LRP1B: variants seen among roughly 807,000 people sequenced by gnomAD.
LRP1B encodes the protein LDL receptor related protein 1B.
Under a neutral mutation model 556.6 loss-of-function variants are expected in LRP1B, and 217 were observed. The observed-to-expected ratio is 0.39, with a 90% CI of 0.35 to 0.44. The LOEUF (loss-of-function observed/expected upper bound fraction) is 0.44, where lower values mean the gene tolerates loss of function less well. LRP1B is among the 20% of genes least tolerant of loss of function. The pLI is 1.00. For missense variants in LRP1B, 5,053 were observed against 5,620.8 expected (o/e 0.90, Z 3.23); for synonymous variants, 2,047 against 1,865.8 (o/e 1.10, Z -2.50).
rs576794082 is a variant in LRP1B, at chr2:140,631,624, AG to A, written c.6800-29986del. Among the ~76,000 whole-genome samples, 48 of 152,352 alleles carry A rather than the reference AG, an allele frequency of 3.2e-4. 1 individual carries two copies. The highest frequency in any genetic ancestry group is 9.9e-4 in the African/African-American group (41 of 41,580). ...CTCGAGCTAAAATGCAATCATCAAAAGGACAATAAAAAACGAACAGAACATT... is the reference window on the plus strand; with the variant it reads ...CTCGAGCTAAAATGCAATCATCAAAAGACAATAAAAAACGAACAGAACATT... On this transcript the variant is annotated intron_variant, in intron 41 of 90. Coordinates refer to ENST00000389484, the MANE Select transcript of LRP1B (RefSeq NM_018557.3).
intron 31 of LRP1B, among the ~76,000 whole-genome samples, chr2:140,819,264 A>G (rs1250977997): frequency 6.6e-6 from 1 of 152,218 alleles, no homozygotes; most frequent in Non-Finnish European, 1.5e-5. Context: ...CTCTCTGGTA[A>G]TCTCACAACT....
chr2:141,062,168 A>G lies in LRP1B; in HGVS notation c.1119T>C (p.Ala373=), dbSNP rs2105468502. The part of the protein sequence containing the change: ...RIIDSKTEQP[A]ALALDLVNKL... ...TGTTGACTAGGTCTAGTGCCAGTGCAGCTGGCTGCTCTGTCTTTGAATCAA... is the reference window on the plus strand; with the variant it reads ...TGTTGACTAGGTCTAGTGCCAGTGCGGCTGGCTGCTCTGTCTTTGAATCAA... Residue 373 remains alanine, a synonymous_variant, in exon 8 of 91, where the codon GCT becomes GCC. Coordinates refer to ENST00000389484, the MANE Select transcript of LRP1B (RefSeq NM_018557.3). 6.2e-7 allele frequency: 1 copy of G among 1,612,018 alleles called. No individual in the cohort carries two copies. The highest frequency in any genetic ancestry group is 1.1e-5 in the South Asian group (1 of 91,052).
In LRP1B at chr2:140,315,197, G is replaced by A. The variant is rs912771203; in HGVS notation, c.12641-98C>T. 12 of 783,138 alleles carry A rather than the reference G, an allele frequency of 1.5e-5. No individual in the cohort carries two copies. In the African/African-American group the frequency reaches 1.8e-4, roughly 12 times the overall value. 48.5% of individuals were successfully genotyped at this position (783,138 alleles called of 1,614,324 possible). A position where few individuals can be genotyped will look rare whatever the true frequency, so the allele number is the denominator to read the frequency against. ...CAATATTTAAATACTAGGATCTTGTGTTTCCATAAAATAATTAACCCCAAG... is the reference window on the plus strand; with the variant it reads ...CAATATTTAAATACTAGGATCTTGTATTTCCATAAAATAATTAACCCCAAG... On this transcript the variant is annotated intron_variant, in intron 82 of 90. Transcript: ENST00000389484.
intron 43 of LRP1B, among the ~76,000 whole-genome samples, chr2:140,585,432 T>C (rs1681946383): frequency 6.6e-6 from 1 of 152,140 alleles, no homozygotes; most frequent in Admixed American, 6.5e-5. Flanking sequence ...AGCAGTATGT[T>C]CTATTTTACT....
intron 1 of LRP1B, among the ~76,000 whole-genome samples, chr2:142,057,146 T>C (rs1179397169): frequency 6.6e-6 from 1 of 152,168 alleles, no homozygotes. Flanking sequence ...CGCTTCATTT[T>C]GGCGTTTAAC....
intron 49 of LRP1B, 62 bp from the exon 50 acceptor site, chr2:140,517,073 A>C (rs1264670317): frequency 1.7e-6 from 2 of 1,165,310 alleles, no homozygotes; most frequent in African/African-American, 3.0e-5. Context: ...TAGGTAGATA[A>C]ATCATTAATA....
At chr2:141,666,097 C>T (rs1574215847) in intron 2 of LRP1B, among the ~76,000 whole-genome samples, 1 of 152,234 alleles carries the variant, frequency 6.6e-6, no homozygotes, top group East Asian at 1.9e-4. Context: ...CAAACCTGCA[C>T]ATTCTGCACA....
At chr2:141,211,044 T>C (rs887728236) in intron 6 of LRP1B, among the ~76,000 whole-genome samples, 9 of 152,054 alleles carry the variant, frequency 5.9e-5, no homozygotes, top group Non-Finnish European at 8.8e-5. Context: ...CTGGAGTACA[T>C]TGGCATGATC....
chr2:142,096,488 A>G (rs140645833), intron 1 of LRP1B, among the ~76,000 whole-genome samples: 263 of 151,320 alleles, frequency 1.7e-3, no homozygotes, highest in Middle Eastern at 3.4e-3. Context: ...ATTAATTATA[A>G]CTATAGGCAT....
intron 2 of LRP1B, among the ~76,000 whole-genome samples, chr2:141,516,994 G>T (rs1684334602): frequency 1.1e-5 from 1 of 88,076 alleles, no homozygotes; most frequent in Admixed American, 1.7e-4. Flanking sequence ...ACCATGTCTG[G>T]CCCGTCTCTT....
At chr2:140,853,019 T>A (rs1692507629) in intron 27 of LRP1B, among the ~76,000 whole-genome samples, 1 of 152,056 alleles carries the variant, frequency 6.6e-6, no homozygotes, top group South Asian at 2.1e-4. Context: ...TCCAACCATG[T>A]CCCCTTGCTC....
intron 31 of LRP1B, among the ~76,000 whole-genome samples, chr2:140,825,254 A>C (rs1691462548): frequency 6.6e-6 from 1 of 152,136 alleles, no homozygotes; most frequent in Non-Finnish European, 1.5e-5. Context: ...TTAAAATGTA[A>C]TATTAGTGAA....
At chr2:141,257,261 G>C (rs1271751373) in intron 3 of LRP1B, among the ~76,000 whole-genome samples, 1 of 152,102 alleles carries the variant, frequency 6.6e-6, no homozygotes, top group African/African-American at 2.4e-5. Context: ...GTTTCTCACA[G>C]AAAATAGATT....
chr2:141,209,334 G>A (rs1682442674), intron 6 of LRP1B, among the ~76,000 whole-genome samples: 1 of 152,048 alleles, frequency 6.6e-6, no homozygotes, highest in Non-Finnish European at 1.5e-5. Context: ...CCCTTTTGCT[G>A]GGCACTTCTC....
chr2:140,933,463 T>C (rs1374299117), intron 20 of LRP1B, among the ~76,000 whole-genome samples: 1 of 152,066 alleles, frequency 6.6e-6, no homozygotes. Context: ...TACAGTTTAA[T>C]AGTCATTAAT....
intron 2 of LRP1B, among the ~76,000 whole-genome samples, chr2:141,520,378 G>A (rs1684486191): frequency 6.6e-6 from 1 of 152,086 alleles, no homozygotes; most frequent in South Asian, 2.1e-4. Context: ...CCTGACTAAA[G>A]CCACTTAAAA....
intron 2 of LRP1B, among the ~76,000 whole-genome samples, chr2:141,535,577 C>A (rs17551974): frequency 0.2 from 29,609 of 151,516 alleles, 3,042 homozygotes; most frequent in South Asian, 0.39. Context: ...GAGATGTAGC[C>A]TTAAGACTTT....
intron 7 of LRP1B, among the ~76,000 whole-genome samples, chr2:141,141,068 T>C (rs1701639932): frequency 2.6e-5 from 4 of 152,048 alleles, no homozygotes; most frequent in Non-Finnish European, 1.5e-5. Flanking sequence ...AATTAAGAAA[T>C]AGAAATGGGC....
chr2:141,890,381 T>TATAC (rs2104912377), intron 1 of LRP1B, among the ~76,000 whole-genome samples: 1 of 52,804 alleles, frequency 1.9e-5, no homozygotes, highest in East Asian at 6.6e-4. Context: ...ATAGTGTGTA[T>TATAC]ACATATATAG....
Sources: allele counts gnomAD v4.1 joint callset (sites outside exome capture counted in the v4.1 genomes callset), GRCh38; gene constraint gnomAD v4.1.1; transcripts MANE v1.5; gene names NCBI Gene and HGNC (gene_info 2026-07-23, HGNC 2026-07-21).